ABLIM1: variants seen among roughly 807,000 people sequenced by gnomAD.
The protein encoded by ABLIM1 is actin-binding LIM protein 1.
ABLIM1 carries 40 observed loss-of-function variants against 107.0 expected under a neutral mutation model. That is an observed-to-expected ratio of 0.37 (90% confidence interval 0.29 to 0.49). The LOEUF (loss-of-function observed/expected upper bound fraction) is 0.49, where lower values mean the gene tolerates loss of function less well. Ranked by LOEUF, ABLIM1 falls within the 20% of genes least tolerant of loss-of-function variation. The pLI, the probability that ABLIM1 is intolerant of heterozygous loss-of-function variation, is 0.97. For synonymous variants in ABLIM1, 357 were observed against 357.3 expected (o/e 1.00, Z 0.01); for missense variants, 857 against 1,008.5 (o/e 0.85, Z 2.04).
chr10:114,690,237 C>T, intron 1 of ABLIM1: 2 of 1,480,740 alleles, frequency 1.4e-6, no homozygotes, highest in Non-Finnish European at 1.9e-6. Flanking sequence ...AATATTTATG[C>T]CTTCTTTCAT....
At chr10:114,643,000 T>A (rs546593720) in intron 1 of ABLIM1, among the ~76,000 whole-genome samples, 1 of 152,232 alleles carries the variant, frequency 6.6e-6, no homozygotes, top group African/African-American at 2.4e-5. Context: ...ATAAGGGCAA[T>A]GGGCAAACCA....
chr10:114,791,135 C>T, the ABLIM1 span, among the ~76,000 whole-genome samples: 1 of 151,966 alleles, frequency 6.6e-6, no homozygotes, highest in Non-Finnish European at 1.5e-5. Context: ...TGTACTGGAG[C>T]GATCATAGCG....
intron 6 of ABLIM1, among the ~76,000 whole-genome samples, chr10:114,535,098 A>G (rs2065853115): frequency 6.6e-6 from 1 of 152,204 alleles, no homozygotes; most frequent in African/African-American, 2.4e-5. Context: ...TATTAGTACC[A>G]GGTTGTTCTT....
chr10:114,465,865 G>A, intron 11 of ABLIM1, 38 bp from the exon 12 acceptor site: 2 of 1,608,490 alleles, frequency 1.2e-6, no homozygotes, highest in Non-Finnish European at 1.7e-6. Context: ...CTATCACCAT[G>A]CCTCAGTAGG....
upstream of ABLIM1, among the ~76,000 whole-genome samples, chr10:114,661,586 C>G (rs568610656): frequency 4.6e-5 from 7 of 152,340 alleles, no homozygotes; most frequent in East Asian, 1.3e-3. Context: ...CATAAAACTA[C>G]AGTCACAGCA....
At chr10:114,637,485 T>C (rs2078537183) in intron 1 of ABLIM1, among the ~76,000 whole-genome samples, 1 of 152,196 alleles carries the variant, frequency 6.6e-6, no homozygotes, top group Non-Finnish European at 1.5e-5. Context: ...TCCATATGAA[T>C]CTCATAGAAT....
chr10:114,561,728 A>C (rs910862455), intron 4 of ABLIM1, among the ~76,000 whole-genome samples: 1 of 152,250 alleles, frequency 6.6e-6, no homozygotes, highest in African/African-American at 2.4e-5. Flanking sequence ...AGTTCTACTG[A>C]TAAGTTTTTA....
chr10:114,539,769 A>C (rs1360203746), intron 6 of ABLIM1, among the ~76,000 whole-genome samples: 1 of 152,176 alleles, frequency 6.6e-6, no homozygotes, highest in African/African-American at 2.4e-5. Context: ...GATGGGAAGA[A>C]ATGCATTCCA....
At chr10:114,578,228 T>C (rs546810589) in intron 2 of ABLIM1, among the ~76,000 whole-genome samples, 1 of 152,364 alleles carries the variant, frequency 6.6e-6, no homozygotes, top group East Asian at 1.9e-4. Context: ...AGCTGTGTGC[T>C]GGGCACAGGC....
intron 1 of ABLIM1, among the ~76,000 whole-genome samples, chr10:114,742,625 G>A (rs954573651): frequency 6.6e-6 from 1 of 152,116 alleles, no homozygotes; most frequent in Admixed American, 6.6e-5. Flanking sequence ...CAGTCAAATG[G>A]AGTAATAATA....
In ABLIM1 at chr10:114,434,328, C is replaced by G. The variant is rs2059158364; in HGVS notation, c.*1932G>C. The G allele has an allele frequency of 6.8e-6, 1 of 146,632 alleles. No individual in the cohort carries two copies. Among genetic ancestry groups the G allele is most frequent in the Non-Finnish European group, 1.5e-5 (1 of 68,118 alleles). The allele number at this position is 146,632 out of a possible 1,614,324, so 9.1% of individuals were successfully genotyped here. ...ACACACACACACACACACACACACA[C>G]ACGAGAGTAGTCCTCATTCAGTGCA... On this transcript the variant is annotated 3_prime_UTR_variant, in exon 23 of 23. Coordinates refer to ENST00000533213, the MANE Select transcript of ABLIM1 (RefSeq NM_002313.7).
intron 8 of ABLIM1, among the ~76,000 whole-genome samples, chr10:114,487,367 T>G (rs1304005393): frequency 6.6e-6 from 1 of 152,198 alleles, no homozygotes; most frequent in South Asian, 2.1e-4. Flanking sequence ...AGGACAGAGA[T>G]TATGATCACA....
chr10:114,552,800 A>C (rs1175742992), intron 4 of ABLIM1, among the ~76,000 whole-genome samples: 1 of 152,226 alleles, frequency 6.6e-6, no homozygotes, highest in Non-Finnish European at 1.5e-5. Flanking sequence ...CTTTCAGGAA[A>C]AAAGAGAAGA....
chr10:114,649,858 T>C (rs1202088264), intron 1 of ABLIM1, among the ~76,000 whole-genome samples: 2 of 70,874 alleles, frequency 2.8e-5, no homozygotes, highest in African/African-American at 8.6e-5. Flanking sequence ...CCCCTCTTTT[T>C]TTTCTTTTTT....
chr10:114,560,540 A>G (rs2069548319), intron 4 of ABLIM1, among the ~76,000 whole-genome samples: 1 of 152,244 alleles, frequency 6.6e-6, no homozygotes, highest in Non-Finnish European at 1.5e-5. Flanking sequence ...AGTATTCAGT[A>G]TAGTCACATG....
At position 114,655,019 on chromosome 10, in the gene ABLIM1, G is replaced by A. The variant is rs1014281; in HGVS notation, c.244+2938C>T. On this transcript the variant is annotated intron_variant, in intron 1 of 22. Coordinates refer to ENST00000533213, the MANE Select transcript of ABLIM1 (RefSeq NM_002313.7). Reference sequence around the variant, plus strand: ...GTGACTCAAATTGTTTATATAGACAGGAGCCCTACAAAAAAAATCTGCCCA... The same window carrying A: ...GTGACTCAAATTGTTTATATAGACAAGAGCCCTACAAAAAAAATCTGCCCA... Among the ~76,000 whole-genome samples, 1,382 of 152,192 alleles carry A rather than the reference G, an allele frequency of 9.1e-3. 29 individuals carry two copies. The highest frequency in any genetic ancestry group is 0.032 in the African/African-American group (1,316 of 41,488).
intron 6 of ABLIM1, among the ~76,000 whole-genome samples, chr10:114,508,441 G>A (rs2061435120): frequency 6.6e-6 from 1 of 152,234 alleles, no homozygotes; most frequent in Admixed American, 6.5e-5. Flanking sequence ...GCTCATGCCT[G>A]TAATCCCAAC....
chr10:114,626,087 C>T (rs978782882), intron 1 of ABLIM1, among the ~76,000 whole-genome samples: 1 of 152,134 alleles, frequency 6.6e-6, no homozygotes, highest in African/African-American at 2.4e-5. Flanking sequence ...AAGCTTTGAA[C>T]CTTACCTTGT....
chr10:114,597,967 C>T (rs2075598740), intron 2 of ABLIM1, among the ~76,000 whole-genome samples: 2 of 152,178 alleles, frequency 1.3e-5, no homozygotes, highest in Admixed American at 1.3e-4. Context: ...TGGCTACTGA[C>T]CATTTGAAAT....
Sources: gnomAD v4.1 joint callset for allele counts (sites outside exome capture counted in the v4.1 genomes callset) on GRCh38, gnomAD v4.1.1 for gene constraint, MANE v1.5 for transcripts, NCBI Gene and HGNC (gene_info 2026-07-23, HGNC 2026-07-21) for gene names.